The following SEMA6D variants were observed in gnomAD, a reference collection of about 807,000 sequenced individuals.
SEMA6D encodes semaphorin 6D.
A neutral mutation model predicts 106.6 loss-of-function variants in SEMA6D; 35 were observed. That is an observed-to-expected ratio of 0.33 (90% CI 0.25 to 0.44). The LOEUF (loss-of-function observed/expected upper bound fraction) is 0.44. Ranked by LOEUF, SEMA6D falls within the 20% of genes least tolerant of loss-of-function variation. The probability of loss-of-function intolerance (pLI) is 1.00; values close to 1 mark genes in which losing one functional copy is unlikely to be tolerated. For missense variants in SEMA6D, 1,185 were observed against 1,345.9 expected, an observed-to-expected ratio of 0.88 and a Z score of 1.87; for synonymous variants, 499 against 487.7, an observed-to-expected ratio of 1.02 and a Z score of -0.31.
intron 3 of SEMA6D, among the ~76,000 whole-genome samples, chr15:47,572,210 G>A (rs953081239): frequency 1.5e-4 from 23 of 152,294 alleles, no homozygotes; most frequent in African/African-American, 5.3e-4. Context: ...CTTAAAATGT[G>A]TCTGTAATAG....
chr15:47,449,600 A>G (rs1448009010), intron 2 of SEMA6D, among the ~76,000 whole-genome samples: 1 of 151,664 alleles, frequency 6.6e-6, no homozygotes, highest in African/African-American at 2.4e-5. Context: ...TATTTATGAG[A>G]AAAAAAAAGT....
At chr15:47,498,309 G>C (rs112989076) in intron 3 of SEMA6D, among the ~76,000 whole-genome samples, 5 of 152,226 alleles carry the variant, frequency 3.3e-5, no homozygotes, top group African/African-American at 1.2e-4. Context: ...CCTATTCTAA[G>C]GATTGAGAGT....
In SEMA6D at chr15:47,643,684, G is replaced by A. The variant is rs147537841; in HGVS notation, c.-55+42788G>A. 9.2e-5 allele frequency among the ~76,000 whole-genome samples: 14 copies of A among 152,238 alleles called. 1 individual carries two copies. In the East Asian group the frequency reaches 2.1e-3, roughly 23 times the overall value. ...AGTACAAAGTAATATTTTGATACAA[G>A]TATACAATTTGTAATGATCAAATCA... On this transcript the variant is annotated intron_variant, in intron 4 of 19. Coordinates refer to the SEMA6D transcript ENST00000558014.
intron 1 of SEMA6D, among the ~76,000 whole-genome samples, chr15:47,368,131 G>A (rs1328562825): frequency 2.0e-5 from 3 of 152,150 alleles, no homozygotes; most frequent in Non-Finnish European, 4.4e-5. Context: ...CAACACTGAA[G>A]CCATTGCAAT....
intron 2 of SEMA6D, among the ~76,000 whole-genome samples, chr15:47,417,108 G>A (rs1055503365): frequency 2.6e-5 from 4 of 151,968 alleles, no homozygotes; most frequent in South Asian, 2.1e-4. Flanking sequence ...GGAAAGGGGA[G>A]TTATAGTTCT....
intron 2 of SEMA6D, among the ~76,000 whole-genome samples, chr15:47,430,711 C>A (rs2041494853): frequency 1.3e-5 from 2 of 152,030 alleles, no homozygotes; most frequent in Admixed American, 6.6e-5. Context: ...ACTCCATTCC[C>A]CCACAGGCCC....
At chr15:47,638,364 G>T (rs564502823) in intron 4 of SEMA6D, among the ~76,000 whole-genome samples, 1 of 152,082 alleles carries the variant, frequency 6.6e-6, no homozygotes, top group Non-Finnish European at 1.5e-5. Flanking sequence ...TAAAACTCAG[G>T]AATATTGTAG....
intron 1 of SEMA6D, among the ~76,000 whole-genome samples, chr15:47,186,223 A>T (rs1893563295): frequency 6.6e-6 from 1 of 152,164 alleles, no homozygotes; most frequent in Non-Finnish European, 1.5e-5. Flanking sequence ...AATCTGATGA[A>T]GCCTGGAGTT....
chr15:47,694,649 A>G (rs1411714377), intron 4 of SEMA6D, among the ~76,000 whole-genome samples: 2 of 152,044 alleles, frequency 1.3e-5, no homozygotes, highest in Admixed American at 6.6e-5. Flanking sequence ...TTCACCTGAT[A>G]CAAATAGCAA....
intron 1 of SEMA6D, among the ~76,000 whole-genome samples, chr15:47,346,034 G>T (rs934906450): frequency 6.8e-6 from 1 of 147,944 alleles, no homozygotes; most frequent in Admixed American, 6.6e-5. Flanking sequence ...TGAAATGTTT[G>T]TACCCATATC....
rs2078132155 is a variant in SEMA6D at position 47,671,306 on chromosome 15, A to C, written c.-55+70410A>C. 2.0e-5 allele frequency among the ~76,000 whole-genome samples: 3 copies of C among 152,346 alleles called. No homozygotes were observed. The South Asian group carries it at 6.2e-4, about 32-fold the overall frequency. On this transcript the variant is annotated intron_variant, in intron 4 of 19. Coordinates refer to the SEMA6D transcript ENST00000558014. ...GATCCAGATCCTTAAAGGTATATAC[A>C]AAATGTGGACATATTGTAAAATACA... is the stretch of plus-strand genomic sequence containing the variant.
At chr15:47,770,397 G>A (rs1411714496) in intron 18 of SEMA6D, 100 bp from the exon 19 acceptor site, 2 of 985,460 alleles carry the variant, frequency 2.0e-6, no homozygotes, top group Non-Finnish European at 3.0e-6. Flanking sequence ...CTAAGCATAT[G>A]AACCATATGA....
In SEMA6D at chr15:47,764,949, T is replaced by C. The variant is rs779628955; in HGVS notation, c.1320T>C (p.Phe440=). The stretch of plus-strand genomic sequence containing the variant: ...CCTACCAGAACTACACAGTCATCTT[T>C]GTTGGCTCTGAAGCTGGCATGGTAC... ...AGPYQNYTVI[F]VGSEAGMVLK... The change falls in exon 13 of 19, where the codon TTT becomes TTC. Residue 440 remains phenylalanine, a synonymous_variant. Coordinates refer to ENST00000536845, the MANE Select transcript of SEMA6D (RefSeq NM_001358351.3). 1 of 1,613,976 alleles carries C rather than the reference T, an allele frequency of 6.2e-7. No homozygotes were observed. Among genetic ancestry groups the C allele is most frequent in the Non-Finnish European group, 8.5e-7 (1 of 1,179,894 alleles).
At chr15:47,621,984 G>A (rs1362009985) in intron 4 of SEMA6D, among the ~76,000 whole-genome samples, 4 of 152,122 alleles carry the variant, frequency 2.6e-5, no homozygotes, top group Non-Finnish European at 5.9e-5. Flanking sequence ...TCTCCTAAAA[G>A]TGTGGGATAG....
chr15:47,514,807 A>G (rs373013527), intron 3 of SEMA6D, among the ~76,000 whole-genome samples: 1 of 152,188 alleles, frequency 6.6e-6, no homozygotes, highest in Non-Finnish European at 1.5e-5. Flanking sequence ...AGTCCTTTAC[A>G]ATGGTCAGAA....
chr15:47,461,251 ACT>A (rs1428679976), intron 2 of SEMA6D, among the ~76,000 whole-genome samples: 2 of 151,796 alleles, frequency 1.3e-5, no homozygotes, highest in African/African-American at 4.8e-5. Context: ...ATCTCATCAC[ACT>A]GTCATTATTC....
At chr15:47,247,318 G>T (rs1490913970) in intron 1 of SEMA6D, among the ~76,000 whole-genome samples, 1 of 152,054 alleles carries the variant, frequency 6.6e-6, no homozygotes, top group South Asian at 2.1e-4. Context: ...CACGATTAGG[G>T]TTTAGGTTGT....
chr15:47,265,013 C>T (rs2034252612), intron 1 of SEMA6D, among the ~76,000 whole-genome samples: 1 of 151,908 alleles, frequency 6.6e-6, no homozygotes, highest in African/African-American at 2.4e-5. Flanking sequence ...ATTCAGTTTG[C>T]TAGAATCTTC....
chr15:47,732,361 C>T (rs890681167), intron 1 of SEMA6D, among the ~76,000 whole-genome samples: 8 of 152,304 alleles, frequency 5.3e-5, no homozygotes, highest in Non-Finnish European at 7.4e-5. Flanking sequence ...TTGCTAGCTC[C>T]TTCCATGTTC....
Sources: allele counts gnomAD v4.1 joint callset (sites outside exome capture counted in the v4.1 genomes callset), GRCh38; gene constraint gnomAD v4.1.1; transcripts MANE v1.5; gene names NCBI Gene and HGNC (gene_info 2026-07-23, HGNC 2026-07-21).